Variants in TAMM41 observed in about 807,000 individuals in gnomAD.
TAMM41 encodes TAM41 mitochondrial translocator assembly and maintenance homolog, also known as phosphatidate cytidylyltransferase, mitochondrial.
In TAMM41, 36 loss-of-function variants were observed where a neutral mutation model predicts 44.1. The observed-to-expected ratio is 0.82, with a 90% CI of 0.63 to 1.08. The LOEUF (loss-of-function observed/expected upper bound fraction) is 1.08. TAMM41 is among the 50% of genes least tolerant of loss of function. The pLI, the probability that TAMM41 is intolerant of heterozygous loss-of-function variation, is 0.00. For missense variants in TAMM41, 417 were observed against 404.3 expected, an observed-to-expected ratio of 1.03 and a Z score of -0.27; for synonymous variants, 164 against 153.1, an observed-to-expected ratio of 1.07 and a Z score of -0.53.
chr3:11,803,596 C>CAAAAA (rs2077818099), intron 7 of TAMM41, among the ~76,000 whole-genome samples: 1 of 151,598 alleles, frequency 6.6e-6, no homozygotes, highest in Admixed American at 6.6e-5. Context: ...ATCATTATAT[C>CAAAAA]AAAAACAAAA....
At chr3:11,784,591 G>C in the TAMM41 span, among the ~76,000 whole-genome samples, 1 of 152,128 alleles carries the variant, frequency 6.6e-6, no homozygotes, top group Non-Finnish European at 1.5e-5. Flanking sequence ...CAGGCACACG[G>C]GTATTTTTAA....
the TAMM41 span, among the ~76,000 whole-genome samples, chr3:11,732,999 T>TTG: frequency 0.011 from 1,192 of 106,664 alleles, 50 homozygotes; most frequent in East Asian, 0.11. Flanking sequence ...GTTTTTTTTT[T>TTG]GTTTGTTTGT....
Position 11,809,498 on chromosome 3 carries a change from A to T in TAMM41, c.874+19T>A. ...TCCCCATGGCTGGCATTTCCTCAACATCAAATTCATAAACGTACCTAGTCG... is the reference window on the plus strand; with the variant it reads ...TCCCCATGGCTGGCATTTCCTCAACTTCAAATTCATAAACGTACCTAGTCG... On this transcript the variant is annotated intron_variant, in intron 6 of 7. Coordinates refer to ENST00000455809, the MANE Select transcript of TAMM41 (RefSeq NM_001284401.2). The T allele has an allele frequency of 6.2e-7, 1 of 1,612,130 alleles. No homozygotes were observed. Among genetic ancestry groups the T allele is most frequent in the South Asian group, 1.1e-5 (1 of 90,254 alleles).
At chr3:11,755,302 C>A in the TAMM41 span, among the ~76,000 whole-genome samples, 2 of 151,034 alleles carry the variant, frequency 1.3e-5, no homozygotes, top group African/African-American at 2.4e-5. Flanking sequence ...CCCAGCCCCG[C>A]AGGCACTGGC....
At chr3:11,769,711 T>C in the TAMM41 span, among the ~76,000 whole-genome samples, 1 of 152,222 alleles carries the variant, frequency 6.6e-6, no homozygotes, top group Non-Finnish European at 1.5e-5. Flanking sequence ...ACTGACTATG[T>C]GGAAATTCTC....
chr3:11,739,696 A>G, the TAMM41 span, among the ~76,000 whole-genome samples: 18 of 147,472 alleles, frequency 1.2e-4, no homozygotes, highest in Non-Finnish European at 2.1e-4. Flanking sequence ...AAAAAAAAAA[A>G]AGAGACATGT....
chr3:11,727,847 C>T, the TAMM41 span, among the ~76,000 whole-genome samples: 21 of 147,026 alleles, frequency 1.4e-4, no homozygotes, highest in East Asian at 2.8e-3. Context: ...AGTGCAATGG[C>T]GCGATCTCGG....
chr3:11,765,346 T>C, the TAMM41 span, among the ~76,000 whole-genome samples: 2 of 152,170 alleles, frequency 1.3e-5, no homozygotes, highest in Non-Finnish European at 2.9e-5. Context: ...AGGCAGGTAC[T>C]TACTAAGCTT....
the TAMM41 span, among the ~76,000 whole-genome samples, chr3:11,738,885 T>C: frequency 6.6e-6 from 1 of 152,190 alleles, no homozygotes; most frequent in Non-Finnish European, 1.5e-5. Context: ...TGATGCAGGC[T>C]GAAGTTTGAG....
chr3:11,751,800 G>A, the TAMM41 span, among the ~76,000 whole-genome samples: 1 of 152,234 alleles, frequency 6.6e-6, no homozygotes, highest in African/African-American at 2.4e-5. Context: ...GACCCTGTCT[G>A]TCTTCTGACT....
At chr3:11,809,139 A>G (rs570153308) in intron 6 of TAMM41, 9 of 298,636 alleles carry the variant, frequency 3.0e-5, no homozygotes, top group South Asian at 2.5e-4. Context: ...GAGTTGATTG[A>G]GGAAAGCTGT....
At chr3:11,837,583 A>G (rs1437015616) in intron 3 of TAMM41, among the ~76,000 whole-genome samples, 1 of 152,144 alleles carries the variant, frequency 6.6e-6, no homozygotes, top group Non-Finnish European at 1.5e-5. Context: ...GACAATAGAG[A>G]AAGCATCACC....
At chr3:11,844,295 C>T (rs754895937) in intron 1 of TAMM41, 84 bp from the exon 2 acceptor site, 42 of 1,324,008 alleles carry the variant, frequency 3.2e-5, no homozygotes, top group South Asian at 2.6e-4. Context: ...TAACATACTA[C>T]GCAATTATGA....
intron 2 of TAMM41, 106 bp downstream of exon 2, chr3:11,843,923 G>T: frequency 1.8e-6 from 2 of 1,132,876 alleles, no homozygotes; most frequent in South Asian, 1.5e-5. Context: ...ACGTCCAGCA[G>T]GAGTGTGAAT....
chr3:11,801,138 G>GATCACAC (rs1334177053), intron 7 of TAMM41, among the ~76,000 whole-genome samples: 1 of 148,526 alleles, frequency 6.7e-6, no homozygotes, highest in Non-Finnish European at 1.5e-5. Flanking sequence ...CTTAAAGATA[G>GATCACAC]ATCACACATC....
the TAMM41 span, among the ~76,000 whole-genome samples, chr3:11,728,515 A>C: frequency 1.3e-5 from 2 of 152,244 alleles, no homozygotes; most frequent in African/African-American, 4.8e-5. Context: ...GCACTCAATA[A>C]AAATTAATCC....
At chr3:11,828,846 G>A (rs1297844071) in intron 4 of TAMM41, among the ~76,000 whole-genome samples, 1 of 152,182 alleles carries the variant, frequency 6.6e-6, no homozygotes, top group Non-Finnish European at 1.5e-5. Flanking sequence ...CTGGGATTTG[G>A]AGGCTAAGTA....
chr3:11,846,424 C>G lies in TAMM41; in HGVS notation c.135+78G>C. The G allele has an allele frequency of 5.8e-6, 9 of 1,545,748 alleles. 1 individual carries two copies. The South Asian group carries it at 1.0e-4, about 18-fold the overall frequency. Reference sequence around the variant, plus strand: ...GTGTGCAGAGCGGACAGGCAGCTCTCCGACTCTGAAGGAATCGAGGGCAAA... The same window carrying G: ...GTGTGCAGAGCGGACAGGCAGCTCTGCGACTCTGAAGGAATCGAGGGCAAA... On this transcript the variant is annotated intron_variant, in intron 1 of 7. Transcript: ENST00000455809.
At chr3:11,734,878 CAAAAAAAAAA>C in the TAMM41 span, among the ~76,000 whole-genome samples, 2 of 73,312 alleles carry the variant, frequency 2.7e-5, no homozygotes, top group African/African-American at 5.2e-5. Context: ...TACTAAAATA[CAAAAAAAAAA>C]AAAAAAAAAA....
Sources: allele counts gnomAD v4.1 joint callset (sites outside exome capture counted in the v4.1 genomes callset), GRCh38; gene constraint gnomAD v4.1.1; transcripts MANE v1.5; gene names NCBI Gene and HGNC (gene_info 2026-07-23, HGNC 2026-07-21).